The following GALNTL6 variants were observed in gnomAD, a reference collection of about 807,000 sequenced individuals.
GALNTL6 encodes the protein polypeptide N-acetylgalactosaminyltransferase-like 6.
In GALNTL6, 46 loss-of-function variants were observed where a neutral mutation model predicts 73.7. The ratio of observed to expected loss-of-function variants is 0.62; its 90% confidence interval spans 0.49 to 0.80. The LOEUF is 0.80. Among genes scored for constraint, GALNTL6 ranks in the 30% least tolerant of loss-of-function variants. The pLI, the probability that GALNTL6 is intolerant of heterozygous loss-of-function variation, is 0.00. For missense variants in GALNTL6, 604 were observed against 755.0 expected, an observed-to-expected ratio of 0.80 and a Z score of 2.34; for synonymous variants, 259 against 263.7, an observed-to-expected ratio of 0.98 and a Z score of 0.17.
chr4:172,264,555 A>AAAATAT (rs1177859164), intron 3 of GALNTL6, among the ~76,000 whole-genome samples: 8 of 103,756 alleles, frequency 7.7e-5, no homozygotes, highest in Admixed American at 2.1e-4. Flanking sequence ...ATATATGCCA[A>AAAATAT]ATATATATAT....
rs755485297 is a variant in GALNTL6, at chr4:172,952,122, C to T, written c.1235C>T (p.Thr412Met). Residue 412 changes from threonine to methionine, a missense_variant, in exon 10 of 13, where the codon ACG (threonine) becomes ATG (methionine). Thr to Met is a moderately conservative substitution (Grantham distance 81). Around this residue, in one of 5 missense-constraint regions of GALNTL6, gnomAD observed 261 missense variants for 296.5 expected, o/e 0.88. Coordinates refer to ENST00000506823, the MANE Select transcript of GALNTL6 (RefSeq NM_001034845.3). ...QRRPEYRHLS[T>M]GDISAQKELR... is the part of the protein sequence containing the mutation. ...CGGCCGGAGTACAGGCATCTCTCCA[C>T]GGGGGACATCTCTGCCCAGAAGGAG... is the stretch of plus-strand genomic sequence containing the variant. 1.2e-5 allele frequency: 19 copies of T among 1,613,934 alleles called. No individual in the cohort carries two copies. The South Asian group carries it at 1.2e-4, about 10-fold the overall frequency.
intron 3 of GALNTL6, among the ~76,000 whole-genome samples, chr4:172,289,481 T>C (rs765803872): frequency 6.6e-6 from 1 of 152,230 alleles, no homozygotes; most frequent in Non-Finnish European, 1.5e-5. Flanking sequence ...CATTATAAAA[T>C]GGTATTTTTC....
chr4:172,251,247 T>A (rs1737856342), intron 3 of GALNTL6, among the ~76,000 whole-genome samples: 1 of 152,086 alleles, frequency 6.6e-6, no homozygotes, highest in Non-Finnish European at 1.5e-5. Flanking sequence ...TTAGTCTTTG[T>A]CTTATTAAAG....
intron 5 of GALNTL6, among the ~76,000 whole-genome samples, chr4:172,748,645 C>T (rs1422127558): frequency 3.3e-5 from 5 of 152,054 alleles, no homozygotes; most frequent in African/African-American, 9.7e-5. Flanking sequence ...TTGGTCAACA[C>T]ATACAAAGTT....
At chr4:171,912,372 T>A (rs1031396458) in intron 2 of GALNTL6, among the ~76,000 whole-genome samples, 10 of 152,204 alleles carry the variant, frequency 6.6e-5, no homozygotes, top group Non-Finnish European at 1.5e-4. Flanking sequence ...AGGAAGGGGA[T>A]GATATTTGAC....
chr4:172,607,495 G>T (rs1440408470), intron 5 of GALNTL6, among the ~76,000 whole-genome samples: 1 of 152,046 alleles, frequency 6.6e-6, no homozygotes, highest in African/African-American at 2.4e-5. Flanking sequence ...TGGCTGTGTA[G>T]TATTCCTATG....
intron 2 of GALNTL6, among the ~76,000 whole-genome samples, chr4:172,019,501 AAAG>A (rs1741330045): frequency 6.6e-6 from 1 of 152,172 alleles, no homozygotes; most frequent in Non-Finnish European, 1.5e-5. Context: ...AGAAACCAAA[AAAG>A]AGCAAGAATA....
intron 3 of GALNTL6, among the ~76,000 whole-genome samples, chr4:172,296,561 G>A (rs1739681562): frequency 6.6e-6 from 1 of 151,836 alleles, no homozygotes; most frequent in Non-Finnish European, 1.5e-5. Context: ...CCCTTCCTGT[G>A]TCCATGTGTT....
intron 2 of GALNTL6, among the ~76,000 whole-genome samples, chr4:172,025,675 T>G (rs1191463128): frequency 3.3e-5 from 5 of 152,016 alleles, no homozygotes; most frequent in African/African-American, 1.2e-4. Context: ...AGTCAAGCAA[T>G]AAGAATTTAA....
At chr4:172,064,969 T>G (rs1731315853) in intron 2 of GALNTL6, among the ~76,000 whole-genome samples, 1 of 152,184 alleles carries the variant, frequency 6.6e-6, no homozygotes, top group African/African-American at 2.4e-5. Context: ...TTCATGCTGT[T>G]ATGTTAAAAG....
At chr4:172,597,527 T>A (rs1166358454) in intron 5 of GALNTL6, among the ~76,000 whole-genome samples, 1 of 152,198 alleles carries the variant, frequency 6.6e-6, no homozygotes, top group Non-Finnish European at 1.5e-5. Flanking sequence ...TCTACATTAT[T>A]TTGCTGTGGG....
chr4:172,836,991 C>T (rs144743173), intron 7 of GALNTL6, among the ~76,000 whole-genome samples: 2 of 152,056 alleles, frequency 1.3e-5, no homozygotes, highest in African/African-American at 2.4e-5. Flanking sequence ...GTTACCCTTG[C>T]GAAAAAGACT....
intron 10 of GALNTL6, among the ~76,000 whole-genome samples, chr4:172,972,723 G>C (rs1038001997): frequency 1.2e-4 from 18 of 152,282 alleles, no homozygotes; most frequent in African/African-American, 3.6e-4. Context: ...GCTTTCAAAG[G>C]CTGGTGGAGG....
At chr4:172,474,402 A>G (rs957770635) in intron 5 of GALNTL6, among the ~76,000 whole-genome samples, 4 of 152,160 alleles carry the variant, frequency 2.6e-5, no homozygotes, top group African/African-American at 9.7e-5. Flanking sequence ...TAATTTTTAT[A>G]CTGTCTTCCT....
At chr4:171,879,781 G>A (rs1214535609) in intron 2 of GALNTL6, among the ~76,000 whole-genome samples, 2 of 152,136 alleles carry the variant, frequency 1.3e-5, no homozygotes, top group African/African-American at 4.8e-5. Context: ...TTCAGCTCAT[G>A]ACAATACATA....
In GALNTL6 at chr4:172,053,992, A is replaced by G. The variant is rs527544400; in HGVS notation, c.139-175664A>G. The stretch of plus-strand genomic sequence containing the variant: ...ATACAAAACAAAATCCAAAATTAAT[A>G]AGAATATTCTAAAATATTTTCATAG... On this transcript the variant is annotated intron_variant, in intron 2 of 12. Coordinates refer to ENST00000506823, the MANE Select transcript of GALNTL6 (RefSeq NM_001034845.3). Among the ~76,000 whole-genome samples the G allele has an allele frequency of 3.9e-5, 6 of 152,250 alleles. No homozygotes were observed. In the East Asian group the frequency reaches 1.2e-3, roughly 29 times the overall value.
At chr4:172,941,763 C>T (rs949966299) in intron 9 of GALNTL6, among the ~76,000 whole-genome samples, 1 of 152,144 alleles carries the variant, frequency 6.6e-6, no homozygotes, top group Non-Finnish European at 1.5e-5. Context: ...TCTCAATAAC[C>T]GAAAATGCAA....
Position 172,550,977 on chromosome 4 carries a change from C to G in GALNTL6, c.553+202288C>G, listed in dbSNP as rs115793500. On this transcript the variant is annotated intron_variant, in intron 5 of 12. Coordinates refer to ENST00000506823, the MANE Select transcript of GALNTL6 (RefSeq NM_001034845.3). ...TTGAAACATAGTCCCGCAGGAGATACTAAACTGTGGACAGGGTTGAGAACT... is the reference window on the plus strand; with the variant it reads ...TTGAAACATAGTCCCGCAGGAGATAGTAAACTGTGGACAGGGTTGAGAACT... 1.6e-3 allele frequency among the ~76,000 whole-genome samples: 240 copies of G among 152,230 alleles called. 2 individuals carry two copies. Among genetic ancestry groups the G allele is most frequent in the Middle Eastern group, 6.8e-3 (2 of 294 alleles).
At chr4:173,013,604 T>C (rs1296787800) in intron 11 of GALNTL6, among the ~76,000 whole-genome samples, 3 of 126,122 alleles carry the variant, frequency 2.4e-5, no homozygotes, top group Non-Finnish European at 4.8e-5. Flanking sequence ...TGCAAAAATC[T>C]ATGGCCCGTA....
Sources: gnomAD v4.1 joint callset for allele counts (sites outside exome capture counted in the v4.1 genomes callset) on GRCh38, gnomAD v4.1.1 for gene constraint, gnomAD v4.1.1 regional missense constraint, MANE v1.5 for transcripts, NCBI Gene and HGNC (gene_info 2026-07-23, HGNC 2026-07-21) for gene names.